Variants in TREML4 observed in about 807,000 individuals in gnomAD.
TREML4 encodes trem-like transcript 4 protein.
TREML4 carries 25 observed loss-of-function variants against 25.4 expected under a neutral mutation model. The observed-to-expected ratio is 0.98, with a 90% CI of 0.72 to 1.37. The LOEUF (loss-of-function observed/expected upper bound fraction) is 1.37. Among genes scored for constraint, TREML4 ranks in the 40% most tolerant of loss-of-function variants. The pLI, the probability that TREML4 is intolerant of heterozygous loss-of-function variation, is 0.00. For missense variants in TREML4, 268 were observed against 236.5 expected, an observed-to-expected ratio of 1.13 and a Z score of -0.87; for synonymous variants, 92 against 87.9, an observed-to-expected ratio of 1.05 and a Z score of -0.26.
chr6:41,229,497 T>G, intron 2 of TREML4, 24 bp from the exon 3 acceptor site: 1 of 1,613,362 alleles, frequency 6.2e-7, no homozygotes, highest in South Asian at 1.1e-5. Flanking sequence ...TGGAGAGTCA[T>G]TGTCTGCTGT....
intron 5 of TREML4, 57 bp downstream of exon 5, chr6:41,236,674 T>A (rs1427318516): frequency 3.0e-6 from 3 of 985,562 alleles, no homozygotes; most frequent in Non-Finnish European, 4.7e-6. Context: ...ATTCTGTTCC[T>A]AGAAAGATGG....
rs776737909 is a variant in TREML4 at position 41,230,159 on chromosome 6, G to A, written c.506+37G>A. Reference sequence around the variant, plus strand: ...GTTTTAACACTGGGAGGGAGGTCTTGGGAAGGGAGGGCCTGATTAGCTCCT... The same window carrying A: ...GTTTTAACACTGGGAGGGAGGTCTTAGGAAGGGAGGGCCTGATTAGCTCCT... On this transcript the variant is annotated intron_variant, in intron 4 of 5. Transcript: ENST00000341495. The A allele has an allele frequency of 3.3e-6, 5 of 1,526,610 alleles. No individual in the cohort carries two copies. The Admixed American group carries it at 5.0e-5, about 15-fold the overall frequency. The allele number at this position is 1,526,610 out of a possible 1,614,324, so 94.6% of individuals were successfully genotyped here.
At chr6:41,236,432 G>A (rs912586704) in intron 4 of TREML4, 54 bp from the exon 5 acceptor site, 3 of 1,506,526 alleles carry the variant, frequency 2.0e-6, no homozygotes, top group South Asian at 1.1e-5. Flanking sequence ...GACACCGCAG[G>A]AGGTGGTGAC....
At chr6:41,229,653 A>G (rs1273651901) in intron 3 of TREML4, 82 bp downstream of exon 3, 1 of 1,470,276 alleles carries the variant, frequency 6.8e-7, no homozygotes, top group Admixed American at 1.7e-5. Flanking sequence ...AGGGGAAACC[A>G]GGGAGGCCTG....
Position 41,229,692 on chromosome 6 carries a change from G to A in TREML4, c.445+121G>A, listed in dbSNP as rs182105818. 1.2e-3 allele frequency: 1,296 copies of A among 1,085,936 alleles called. 4 individuals carry two copies. Among genetic ancestry groups the A allele is most frequent in the Non-Finnish European group, 1.5e-3 (1,090 of 711,056 alleles). The allele number at this position is 1,085,936 out of a possible 1,614,324, so 67.3% of individuals were successfully genotyped here. A position where few individuals can be genotyped will look rare whatever the true frequency, so the allele number is the denominator to read the frequency against. On this transcript the variant is annotated intron_variant, in intron 3 of 5. Transcript: ENST00000341495. ...CTGAGGACTGATCTCTTGGGGCCTG[G>A]GCTTGTGGGAAGCTACCTTCAGGGC...
Position 41,228,544 on chromosome 6 carries a change from T to A in TREML4, c.63+54T>A. 3 of 1,575,598 alleles carry A rather than the reference T, an allele frequency of 1.9e-6. No individual in the cohort carries two copies. In the South Asian group the frequency reaches 3.4e-5, roughly 18 times the overall value. ...TGTAAGGAGTGGGATGAAGAATGAG[T>A]GGGGCAGGGAGCAGCATGGCTGTGT... On this transcript the variant is annotated intron_variant, in intron 1 of 5. Transcript: ENST00000341495.
chr6:41,230,243 G>A (rs2627574), intron 4 of TREML4, 121 bp downstream of exon 4: 1 of 819,712 alleles, frequency 1.2e-6, no homozygotes, highest in Non-Finnish European at 2.0e-6. Context: ...TTGGGGCATA[G>A]GTTACAGCCG....
chr6:41,230,108 T>C lies in TREML4; in HGVS notation c.492T>C (p.Asn164=), dbSNP rs1244504075. 2 of 1,611,362 alleles carry C rather than the reference T, an allele frequency of 1.2e-6. No individual in the cohort carries two copies. Among genetic ancestry groups the C allele is most frequent in the African/African-American group, 2.7e-5 (2 of 74,852 alleles). ...GGACCTCTGGCCATCCCTCCATCAA[T>C]GGCTCTGAGACCAGGTAGGTCAGAG... ...PEGTSGHPSI[N]GSETRKSRAP... is the part of the protein sequence containing the mutation. The change falls in exon 4 of 6, where the codon AAT becomes AAC. Residue 164 remains asparagine, a synonymous_variant. Coordinates refer to ENST00000341495, the MANE Select transcript of TREML4 (RefSeq NM_198153.3).
rs763191773 is a variant in TREML4, at chr6:41,229,666, T to C, written c.445+95T>C. On this transcript the variant is annotated intron_variant, in intron 3 of 5. Coordinates refer to ENST00000341495, the MANE Select transcript of TREML4 (RefSeq NM_198153.3). ...GAAGGGGAAACCAGGGAGGCCTGCC[T>C]CTGAGGACTGATCTCTTGGGGCCTG... The C allele has an allele frequency of 1.2e-5, 16 of 1,322,260 alleles. No homozygotes were observed. In the South Asian group the frequency reaches 1.8e-4, roughly 15 times the overall value. 81.9% of individuals were successfully genotyped at this position (1,322,260 alleles called of 1,614,324 possible). A position where few individuals can be genotyped will look rare whatever the true frequency, so the allele number is the denominator to read the frequency against.
In TREML4 at chr6:41,234,957, G is replaced by A. The variant is rs116730720; in HGVS notation, c.507-1529G>A. Among the ~76,000 whole-genome samples the A allele has an allele frequency of 5.8e-3, 878 of 152,026 alleles. 13 individuals are homozygous for A. The highest frequency in any genetic ancestry group is 0.02 in the African/African-American group (837 of 41,510). ...ATAGGTTCATTTCTCTGATGCACATGGGGTCCATTCCCTAATTACCATTAG... is the reference window on the plus strand; with the variant it reads ...ATAGGTTCATTTCTCTGATGCACATAGGGTCCATTCCCTAATTACCATTAG... On this transcript the variant is annotated intron_variant, in intron 4 of 5. Coordinates refer to ENST00000341495, the MANE Select transcript of TREML4 (RefSeq NM_198153.3).
chr6:41,229,063 G>C lies in TREML4; in HGVS notation c.394+19G>C, dbSNP rs568802380. ...TCTCCAGGTGAGCTCTTTTCTTGAG[G>C]AAATACCTCTGTGCCACCCCCCAGG... On this transcript the variant is annotated intron_variant, in intron 2 of 5. Transcript: ENST00000341495. The C allele has an allele frequency of 1.3e-6, 2 of 1,596,622 alleles. No individual in the cohort carries two copies. The highest frequency in any genetic ancestry group is 2.2e-5 in the South Asian group (2 of 88,996).
intron 3 of TREML4, 90 bp from the exon 4 acceptor site, chr6:41,229,972 C>A: frequency 9.2e-7 from 1 of 1,090,718 alleles, no homozygotes; most frequent in Non-Finnish European, 1.4e-6. Context: ...CCTCTGGCCC[C>A]TCTCCCCTTC....
intron 4 of TREML4, among the ~76,000 whole-genome samples, chr6:41,235,637 G>A (rs1766881729): frequency 6.6e-6 from 1 of 152,146 alleles, no homozygotes; most frequent in Non-Finnish European, 1.5e-5. Flanking sequence ...AGTATAAAAT[G>A]CTAAAAAATG....
In TREML4 at chr6:41,236,471, C is replaced by A. The variant is rs1766904695; in HGVS notation, c.507-15C>A. On this transcript the variant is annotated splice_polypyrimidine_tract_variant and intron_variant, in intron 4 of 5. Transcript: ENST00000341495. ...CTGGCCCAAGTCCATCCTCCTTTCT[C>A]CTTCTTCCCTGCAGGAAATCAAGAG... The A allele has an allele frequency of 6.2e-7, 1 of 1,612,924 alleles. No homozygotes were observed. The highest frequency in any genetic ancestry group is 1.3e-5 in the African/African-American group (1 of 74,894).
At chr6:41,232,318 C>T (rs1041529890) in intron 4 of TREML4, 2 of 393,664 alleles carry the variant, frequency 5.1e-6, no homozygotes, top group African/African-American at 2.1e-5. Context: ...AGTAAGTGTG[C>T]CCAGCATCTT....
intron 4 of TREML4, chr6:41,232,635 G>A (rs112978798): frequency 0.012 from 1,782 of 154,450 alleles, 44 homozygotes; most frequent in South Asian, 0.11. Context: ...AGAGTCTATG[G>A]GAGCTCTGAG....
intron 1 of TREML4, 42 bp from the exon 2 acceptor site, chr6:41,228,672 G>C: frequency 1.3e-6 from 2 of 1,583,520 alleles, no homozygotes; most frequent in Non-Finnish European, 1.7e-6. Context: ...GGTCCCTTCA[G>C]AGCTCTGACC....
chr6:41,230,435 A>G (rs1036408174), intron 4 of TREML4, among the ~76,000 whole-genome samples: 1 of 152,188 alleles, frequency 6.6e-6, no homozygotes, highest in Non-Finnish European at 1.5e-5. Flanking sequence ...GTGAGTATGA[A>G]TAGAGTCACT....
intron 4 of TREML4, among the ~76,000 whole-genome samples, chr6:41,231,796 G>A (rs1257435484): frequency 6.6e-6 from 1 of 152,152 alleles, no homozygotes; most frequent in Non-Finnish European, 1.5e-5. Context: ...AAGAGTAGGT[G>A]TACTAATGTA....
Sources: gnomAD v4.1 joint callset for allele counts (sites outside exome capture counted in the v4.1 genomes callset) on GRCh38, gnomAD v4.1.1 for gene constraint, MANE v1.5 for transcripts, NCBI Gene and HGNC (gene_info 2026-07-23, HGNC 2026-07-21) for gene names.